The following FGF14 variants were observed in gnomAD, a reference collection of about 807,000 sequenced individuals.
The protein encoded by FGF14 is fibroblast growth factor homologous factor 4.
FGF14 carries 5 observed loss-of-function variants against 25.5 expected under a neutral mutation model. The ratio of observed to expected loss-of-function variants is 0.20; its 90% CI spans 0.10 to 0.41. FGF14 has a LOEUF of 0.41. Among genes scored for constraint, FGF14 ranks in the 10% least tolerant of loss-of-function variants. FGF14 has a pLI of 1.00. For missense variants in FGF14, 222 were observed against 320.1 expected (o/e 0.69, Z 2.34); for synonymous variants, 138 against 118.3 (o/e 1.17, Z -1.08).
At chr13:102,052,724 C>A (rs1203899173) in intron 1 of FGF14, among the ~76,000 whole-genome samples, 1 of 151,774 alleles carries the variant, frequency 6.6e-6, no homozygotes, top group African/African-American at 2.4e-5. Flanking sequence ...CTTTTTCAGA[C>A]AAACAAAAGT....
At chr13:101,989,576 G>A (rs1236657355) in intron 1 of FGF14, among the ~76,000 whole-genome samples, 2 of 151,988 alleles carry the variant, frequency 1.3e-5, no homozygotes, top group Admixed American at 6.6e-5. Flanking sequence ...AATAAATAAA[G>A]TTTTCATGGA....
intron 1 of FGF14, among the ~76,000 whole-genome samples, chr13:102,004,037 C>A (rs1420973802): frequency 6.6e-6 from 1 of 152,080 alleles, no homozygotes; most frequent in Admixed American, 6.5e-5. Context: ...AGGAAAGTTG[C>A]CAAGTTGATT....
intron 1 of FGF14, among the ~76,000 whole-genome samples, chr13:102,189,026 A>AAAG (rs2049011829): frequency 7.2e-5 from 5 of 69,706 alleles, no homozygotes; most frequent in East Asian, 3.3e-4. Flanking sequence ...ATGAAAGAAG[A>AAAG]AAAGAAAGAA....
intron 1 of FGF14, among the ~76,000 whole-genome samples, chr13:101,990,279 G>A (rs911289780): frequency 6.6e-6 from 1 of 152,044 alleles, no homozygotes; most frequent in Admixed American, 6.6e-5. Context: ...ACAACCACAG[G>A]CAGCAACTAC....
At position 102,142,886 on chromosome 13, in the gene FGF14, AT is replaced by A. The variant is rs374771782; in HGVS notation, c.208+258584del. 2.6e-3 allele frequency among the ~76,000 whole-genome samples: 398 copies of A among 152,308 alleles called. 1 individual carries two copies. The highest frequency in any genetic ancestry group is 9.1e-3 in the African/African-American group (377 of 41,580). On this transcript the variant is annotated intron_variant, in intron 1 of 4. Coordinates refer to the FGF14 transcript ENST00000376131. The stretch of plus-strand genomic sequence containing the variant: ...CAATCACTCAGCTTAGTCCCTTCCA[AT>A]GTTTCCTTTAAAAACAACATACGCT...
At chr13:101,773,025 G>T (rs139055180) in intron 3 of FGF14, among the ~76,000 whole-genome samples, 1 of 152,094 alleles carries the variant, frequency 6.6e-6, no homozygotes, top group Non-Finnish European at 1.5e-5. Flanking sequence ...TTAAGGAAAG[G>T]TGTGGTAGCT....
At chr13:101,955,757 AT>A (rs2036473503) in intron 1 of FGF14, among the ~76,000 whole-genome samples, 1 of 152,254 alleles carries the variant, frequency 6.6e-6, no homozygotes, top group South Asian at 2.1e-4. Context: ...TTGATCTGGA[AT>A]CAAGACCTTT....
intron 1 of FGF14, among the ~76,000 whole-genome samples, chr13:101,910,608 T>C (rs898859727): frequency 6.6e-6 from 1 of 152,134 alleles, no homozygotes; most frequent in Non-Finnish European, 1.5e-5. Flanking sequence ...GTAGTACCTA[T>C]CATAAAATGG....
intron 3 of FGF14, among the ~76,000 whole-genome samples, chr13:101,756,472 C>T (rs1365179391): frequency 2.0e-5 from 3 of 151,976 alleles, no homozygotes; most frequent in Non-Finnish European, 2.9e-5. Flanking sequence ...CGGTGGCTCA[C>T]GCCTGTAATC....
chr13:102,235,338 T>C (rs2051279881), intron 1 of FGF14, among the ~76,000 whole-genome samples: 1 of 152,226 alleles, frequency 6.6e-6, no homozygotes, highest in African/African-American at 2.4e-5. Context: ...AGAGATCTAA[T>C]ATCCACTTAG....
intron 1 of FGF14, among the ~76,000 whole-genome samples, chr13:101,991,596 AG>A (rs1359973293): frequency 6.6e-6 from 1 of 152,146 alleles, no homozygotes; most frequent in Non-Finnish European, 1.5e-5. Context: ...TAGATCTATA[AG>A]GGAATTGAGA....
chr13:101,881,347 C>T (rs2045700163), intron 1 of FGF14, among the ~76,000 whole-genome samples: 1 of 152,202 alleles, frequency 6.6e-6, no homozygotes, highest in Non-Finnish European at 1.5e-5. Context: ...TCATGGCCCA[C>T]ACAATCCAGA....
chr13:101,921,572 C>T (rs888795381), upstream of FGF14, among the ~76,000 whole-genome samples: 1 of 152,202 alleles, frequency 6.6e-6, no homozygotes, highest in African/African-American at 2.4e-5. Flanking sequence ...ATCACTCTCA[C>T]CACCTCCACT....
intron 1 of FGF14, among the ~76,000 whole-genome samples, chr13:101,987,094 T>C (rs1342741218): frequency 6.6e-6 from 1 of 152,082 alleles, no homozygotes; most frequent in Admixed American, 6.6e-5. Context: ...GTAAGTCTGC[T>C]AACTGGTTGC....
intron 1 of FGF14, among the ~76,000 whole-genome samples, chr13:101,976,263 A>G (rs559583158): frequency 4.7e-4 from 72 of 152,062 alleles, no homozygotes; most frequent in Non-Finnish European, 8.5e-4. Context: ...TTTTCTCTAT[A>G]CCTTATCCAG....
intron 1 of FGF14, among the ~76,000 whole-genome samples, chr13:102,259,786 C>T (rs900176064): frequency 7.2e-5 from 11 of 152,258 alleles, no homozygotes; most frequent in Admixed American, 5.9e-4. Flanking sequence ...CCCAAGATGC[C>T]ACATAGCTAG....
chr13:101,864,508 T>A (rs1007515406), intron 3 of FGF14, among the ~76,000 whole-genome samples: 1 of 152,122 alleles, frequency 6.6e-6, no homozygotes, highest in Non-Finnish European at 1.5e-5. Context: ...GGGCCTCCCA[T>A]TAGACCCACT....
intron 1 of FGF14, among the ~76,000 whole-genome samples, chr13:102,154,099 T>C (rs1594175590): frequency 6.6e-6 from 1 of 152,256 alleles, no homozygotes; most frequent in East Asian, 1.9e-4. Context: ...AATGTAAATA[T>C]AGTTAAATCT....
intron 1 of FGF14, among the ~76,000 whole-genome samples, chr13:102,357,126 T>TG (rs1160652232): frequency 1.3e-5 from 2 of 150,148 alleles, no homozygotes; most frequent in Admixed American, 6.6e-5. Context: ...TTATAATGTT[T>TG]TTTTTTTTTT....
Sources: allele counts gnomAD v4.1 joint callset (sites outside exome capture counted in the v4.1 genomes callset), GRCh38; gene constraint gnomAD v4.1.1; transcripts MANE v1.5; gene names NCBI Gene and HGNC (gene_info 2026-07-23, HGNC 2026-07-21).